The following HERC1 variants were observed in gnomAD, a reference collection of about 807,000 sequenced individuals.
The protein encoded by HERC1 is probable E3 ubiquitin-protein ligase HERC1.
HERC1 carries 160 observed loss-of-function variants against 554.3 expected under a neutral mutation model. The ratio of observed to expected loss-of-function variants is 0.29; its 90% CI spans 0.25 to 0.33. The LOEUF is 0.33. Among genes scored for constraint, HERC1 ranks in the 10% least tolerant of loss-of-function variants. The pLI, the probability that HERC1 is intolerant of heterozygous loss-of-function variation, is 1.00. For missense variants in HERC1, 4,919 were observed against 5,918.5 expected (o/e 0.83, Z 5.54); for synonymous variants, 2,175 against 2,131.7 (o/e 1.02, Z -0.56).
chr15:63,673,811 G>A (rs1347710111), intron 38 of HERC1, among the ~76,000 whole-genome samples: 4 of 152,126 alleles, frequency 2.6e-5, no homozygotes, highest in African/African-American at 9.7e-5. Flanking sequence ...TGTAACCTCC[G>A]CCTCCCAGGT....
chr15:63,734,161 T>C lies in HERC1; in HGVS notation c.2646+563A>G, dbSNP rs999904636. ...CAGCGTGGATGACAGAGCAAGACTC[T>C]GTCTCCAAAAAAAGATTTAAAAAGA... On this transcript the variant is annotated intron_variant, in intron 13 of 77. Transcript: ENST00000443617. This position sits in a 1 kb window ranked among gnomAD's most constrained non-coding sequence, Gnocchi z 4.6. Among the ~76,000 whole-genome samples, 11 of 152,114 alleles carry C rather than the reference T, an allele frequency of 7.2e-5. No homozygotes were observed. Among genetic ancestry groups the C allele is most frequent in the African/African-American group, 2.7e-4 (11 of 41,410 alleles).
chr15:63,722,775 TTTATAAA>T (rs1380812381), intron 19 of HERC1, among the ~76,000 whole-genome samples: 1 of 152,184 alleles, frequency 6.6e-6, no homozygotes, highest in Non-Finnish European at 1.5e-5. Flanking sequence ...CTATGCCTAA[TTTATAAA>T]TTAAACTTTA....
At chr15:63,634,984 A>C (rs2068717248) in intron 65 of HERC1, 96 bp from the exon 66 acceptor site, 1 of 835,768 alleles carries the variant, frequency 1.2e-6, no homozygotes, top group Non-Finnish European at 1.8e-6. Context: ...AATAAACTTT[A>C]CATAAACTTC....
rs1477664857 is a variant in HERC1, at chr15:63,692,050, G to C, written c.5830+361C>G. On this transcript the variant is annotated intron_variant, in intron 31 of 77. Coordinates refer to ENST00000443617, the MANE Select transcript of HERC1 (RefSeq NM_003922.4). This position sits in a 1 kb window ranked among gnomAD's most constrained non-coding sequence, Gnocchi z 4.7. ...GGCAACAGAAATCACATTATGATAA[G>C]AGAGACTGTACAAATTCAGATCTGC... Among the ~76,000 whole-genome samples the C allele has an allele frequency of 6.6e-6, 1 of 152,170 alleles. No individual in the cohort carries two copies. The highest frequency in any genetic ancestry group is 1.5e-5 in the Non-Finnish European group (1 of 68,032).
Position 63,640,311 on chromosome 15 carries a change from A to G in HERC1, c.11742T>C (p.Pro3914=). The G allele has an allele frequency of 6.2e-7, 1 of 1,613,914 alleles. No individual in the cohort carries two copies. The highest frequency in any genetic ancestry group is 8.5e-7 in the Non-Finnish European group (1 of 1,179,826). ...PVPPHHQNCL[P]DPASWNPNEW... ...CATTTGGATTCCAGGATGCAGGGTC[A>G]GGGAGACAGTTCTGGTGGTGTGGTG... Residue 3914 remains proline, a synonymous_variant, in exon 61 of 78, where the codon CCT becomes CCC. Coordinates refer to ENST00000443617, the MANE Select transcript of HERC1 (RefSeq NM_003922.4).
Position 63,678,731 on chromosome 15 carries a change from C to A in HERC1, c.6550-366G>T, listed in dbSNP as rs535609154. On this transcript the variant is annotated intron_variant, in intron 36 of 77. Coordinates refer to ENST00000443617, the MANE Select transcript of HERC1 (RefSeq NM_003922.4). The stretch of plus-strand genomic sequence containing the variant: ...CCTCAAGGCTCCAGAATGATGAGTC[C>A]TGGACATTTTACATTGTTCAAGGGG... Among the ~76,000 whole-genome samples the A allele has an allele frequency of 3.9e-5, 6 of 152,294 alleles. No homozygotes were observed. In the East Asian group the frequency reaches 5.8e-4, roughly 15 times the overall value.
chr15:63,638,704 T>C lies in HERC1; in HGVS notation c.11967+7A>G. On this transcript the variant is annotated splice_region_variant and intron_variant, in intron 62 of 77. Transcript: ENST00000443617. ...ACCATCATACAGTTATCTTCATCTTTACTGACCTCAGGTCTGGAAGTTGCC... is the reference window on the plus strand; with the variant it reads ...ACCATCATACAGTTATCTTCATCTTCACTGACCTCAGGTCTGGAAGTTGCC... 6.2e-7 allele frequency: 1 copy of C among 1,609,690 alleles called. No homozygotes were observed. Among genetic ancestry groups the C allele is most frequent in the Non-Finnish European group, 8.5e-7 (1 of 1,175,982 alleles).
At chr15:63,798,616 G>C (rs2076883514) in intron 1 of HERC1, among the ~76,000 whole-genome samples, 2 of 150,986 alleles carry the variant, frequency 1.3e-5, no homozygotes, top group Admixed American at 1.3e-4. Context: ...TTCTCTAACA[G>C]GATACCTCTC....
At chr15:63,698,491 T>C (rs2072551339) in intron 26 of HERC1, among the ~76,000 whole-genome samples, 1 of 151,400 alleles carries the variant, frequency 6.6e-6, no homozygotes, top group African/African-American at 2.4e-5. Flanking sequence ...GTAGGAGACA[T>C]GTGAAGACTT....
Position 63,725,458 on chromosome 15 carries a change from G to A in HERC1, c.3402C>T (p.Ser1134=), listed in dbSNP as rs751289233. 4 of 1,613,858 alleles carry A rather than the reference G, an allele frequency of 2.5e-6. No homozygotes were observed. The highest frequency in any genetic ancestry group is 1.7e-5 in the Admixed American group (1 of 60,006). ...TTTCTAGATCCACAAGCCATACCCA[G>A]GACTGAGCTGGCTGAGGTAATGGCA... ...AGLPLPQPAQ[S]WVWLVDLERT... Residue 1134 remains serine, a synonymous_variant, in exon 18 of 78, where the codon TCC becomes TCT. Coordinates refer to ENST00000443617, the MANE Select transcript of HERC1 (RefSeq NM_003922.4).
rs868256023 is a variant in HERC1 at position 63,659,990 on chromosome 15, C to A, written c.9224-54G>T. 3.7e-6 allele frequency: 5 copies of A among 1,351,048 alleles called. No individual in the cohort carries two copies. The Middle Eastern group carries it at 7.3e-4, about 196-fold the overall frequency. 83.7% of individuals were successfully genotyped at this position (1,351,048 alleles called of 1,614,324 possible). ...ATGTGAATTTAAATATTACATAAATCTGCTGGCAATGGTTGTTCTGAAAAT... is the reference window on the plus strand; with the variant it reads ...ATGTGAATTTAAATATTACATAAATATGCTGGCAATGGTTGTTCTGAAAAT... On this transcript the variant is annotated intron_variant, in intron 46 of 77. Coordinates refer to ENST00000443617, the MANE Select transcript of HERC1 (RefSeq NM_003922.4).
chr15:63,819,491 T>C (rs928465418), intron 1 of HERC1, among the ~76,000 whole-genome samples: 2 of 152,338 alleles, frequency 1.3e-5, no homozygotes, highest in African/African-American at 2.4e-5. Flanking sequence ...TTTCAAGGTC[T>C]ACCAAGAAAA....
chr15:63,819,814 AT>A (rs2077623408), intron 1 of HERC1, among the ~76,000 whole-genome samples: 1 of 151,778 alleles, frequency 6.6e-6, no homozygotes, highest in South Asian at 2.1e-4. Flanking sequence ...CTCCACCAAC[AT>A]TTTTTCATTT....
chr15:63,713,767 G>T, intron 22 of HERC1, 102 bp from the exon 23 acceptor site: 1 of 982,476 alleles, frequency 1.0e-6, no homozygotes, highest in Non-Finnish European at 1.5e-6. Flanking sequence ...AAAACTTACT[G>T]AAAGAGGGAA....
chr15:63,765,053 T>A (rs2075731092), intron 2 of HERC1, among the ~76,000 whole-genome samples: 1 of 152,200 alleles, frequency 6.6e-6, no homozygotes. Flanking sequence ...GACGGCTGAC[T>A]TATGCAAGAA....
rs151016679 is a variant in HERC1 at position 63,611,876 on chromosome 15, C to T, written c.14400+375G>A. 3.3e-5 allele frequency among the ~76,000 whole-genome samples: 5 copies of T among 152,218 alleles called. No homozygotes were observed. The East Asian group carries it at 9.7e-4, about 29-fold the overall frequency. On this transcript the variant is annotated intron_variant, in intron 77 of 77. Transcript: ENST00000443617. ...ACTTGAGGGTCATAGTTTGTTTTCC[C>T]CAACATAAAAGCAACAAGGCGCAGA...
chr15:63,732,900 T>C, intron 14 of HERC1, 24 bp downstream of exon 14: 2 of 1,454,132 alleles, frequency 1.4e-6, no homozygotes, highest in East Asian at 2.3e-5. Context: ...ATTCTTTTTT[T>C]ACTACAATGA....
At chr15:63,724,428 A>G (rs59284373) in intron 18 of HERC1, among the ~76,000 whole-genome samples, 41,024 of 152,146 alleles carry the variant, frequency 0.27, 6,139 homozygotes, top group Middle Eastern at 0.38. Flanking sequence ...TTGGAAATGG[A>G]GGAAAATCCT....
chr15:63,686,990 A>T (rs1474986756), intron 33 of HERC1, among the ~76,000 whole-genome samples: 2 of 152,220 alleles, frequency 1.3e-5, no homozygotes, highest in Non-Finnish European at 2.9e-5. Context: ...TTTAAAGACA[A>T]GCAGCATGTA....
Sources: allele counts gnomAD v4.1 joint callset (sites outside exome capture counted in the v4.1 genomes callset), GRCh38; gene constraint gnomAD v4.1.1; non-coding constraint Gnocchi (gnomAD v3.1); transcripts MANE v1.5; gene names NCBI Gene and HGNC (gene_info 2026-07-23, HGNC 2026-07-21).